AFG2B: variants seen among roughly 807,000 people sequenced by gnomAD.
AFG2B encodes the protein AAA ATPase AFG2B, also known as ATPase family gene 2 protein homolog B.
At chr15:45,415,325 C>T in the AFG2B span, among the ~76,000 whole-genome samples, 23 of 151,976 alleles carry the variant, frequency 1.5e-4, no homozygotes, top group African/African-American at 5.1e-4. Context: ...GGCAAAACCC[C>T]GTCTCTACTA....
chr15:45,403,313 G>T, the AFG2B span: 7 of 1,595,170 alleles, frequency 4.4e-6, no homozygotes, highest in Non-Finnish European at 5.1e-6. Context: ...CTGGCCAGCC[G>T]CGGACCCAGC....
the AFG2B span, chr15:45,414,921 G>A: frequency 1.4e-6 from 1 of 706,644 alleles, no homozygotes. Flanking sequence ...GAAAATATAG[G>A]AAAGTGTAAA....
At chr15:45,405,310 T>C in the AFG2B span, 1 of 1,605,962 alleles carries the variant, frequency 6.2e-7, no homozygotes, top group Admixed American at 1.7e-5. Flanking sequence ...TTGTTTTGCT[T>C]TGCATATAGG....
At chr15:45,405,597 T>C in the AFG2B span, 3 of 1,227,602 alleles carry the variant, frequency 2.4e-6, no homozygotes, top group Non-Finnish European at 3.4e-6. Context: ...TACATTTTCC[T>C]TAGAACATTT....
the AFG2B span, chr15:45,406,975 G>A: frequency 1.6e-6 from 2 of 1,247,284 alleles, no homozygotes; most frequent in South Asian, 1.2e-5. Flanking sequence ...GAGACAATAA[G>A]TAAGCAGGAG....
chr15:45,416,456 T>C, the AFG2B span, among the ~76,000 whole-genome samples: 12 of 152,266 alleles, frequency 7.9e-5, no homozygotes, highest in African/African-American at 2.7e-4. Context: ...CCTGATACTT[T>C]TTCTTTTATT....
the AFG2B span, among the ~76,000 whole-genome samples, chr15:45,405,034 T>C: frequency 6.6e-6 from 1 of 152,144 alleles, no homozygotes. Context: ...TATCTGAGTG[T>C]TGGGAATATT....
At chr15:45,410,356 G>A in the AFG2B span, 7 of 1,600,364 alleles carry the variant, frequency 4.4e-6, no homozygotes, top group Non-Finnish European at 5.1e-6. Flanking sequence ...TTGCTTTTTT[G>A]GGTGTATTTC....
chr15:45,418,412 G>T, the AFG2B span: 1 of 551,890 alleles, frequency 1.8e-6, no homozygotes. Flanking sequence ...TGTCATATAA[G>T]CCATTGATGA....
chr15:45,413,741 A>G, the AFG2B span, among the ~76,000 whole-genome samples: 1 of 151,890 alleles, frequency 6.6e-6, no homozygotes, highest in Non-Finnish European at 1.5e-5. Flanking sequence ...TCTGACTCCT[A>G]CCTCCACTTC....
At chr15:45,415,760 A>G in the AFG2B span, 37 of 1,613,756 alleles carry the variant, frequency 2.3e-5, no homozygotes, top group Non-Finnish European at 3.1e-5. Context: ...AGAGAAGAGG[A>G]AGTAAATCAA....
At chr15:45,410,725 C>CCCACCT in the AFG2B span, among the ~76,000 whole-genome samples, 1 of 152,118 alleles carries the variant, frequency 6.6e-6, no homozygotes, top group Non-Finnish European at 1.5e-5. Context: ...TTTATAATTT[C>CCCACCT]CCACCTCGAC....
the AFG2B span, chr15:45,403,364 G>C: frequency 4.1e-5 from 66 of 1,609,958 alleles, no homozygotes; most frequent in South Asian, 6.9e-4. Context: ...TGTCCCCAGC[G>C]GGGCAGTCGA....
At chr15:45,406,271 A>G in the AFG2B span, among the ~76,000 whole-genome samples, 1 of 152,230 alleles carries the variant, frequency 6.6e-6, no homozygotes, top group Non-Finnish European at 1.5e-5. Context: ...GGGCAGGAAT[A>G]TAATAGAAAT....
chr15:45,405,716 A>T, the AFG2B span, among the ~76,000 whole-genome samples: 3 of 152,170 alleles, frequency 2.0e-5, no homozygotes, highest in African/African-American at 7.2e-5. Context: ...TACTGAGTGA[A>T]TTTGTTCCCT....
At chr15:45,410,088 T>C in the AFG2B span, among the ~76,000 whole-genome samples, 18 of 152,164 alleles carry the variant, frequency 1.2e-4, no homozygotes, top group African/African-American at 3.9e-4. Flanking sequence ...CAGGCTGATA[T>C]AGTATGGTTC....
chr15:45,407,176 G>A, the AFG2B span: 20 of 1,271,262 alleles, frequency 1.6e-5, 1 homozygote, highest in South Asian at 2.5e-4. Flanking sequence ...CCCAGGGGAA[G>A]TGGAAGGAAG....
At chr15:45,402,919 C>T in the AFG2B span, 1 of 1,598,132 alleles carries the variant, frequency 6.3e-7, no homozygotes, top group East Asian at 2.2e-5. Context: ...GGCTGCCTTG[C>T]ACATCGTCGG....
At chr15:45,414,362 T>G in the AFG2B span, among the ~76,000 whole-genome samples, 1 of 152,198 alleles carries the variant, frequency 6.6e-6, no homozygotes, top group Admixed American at 6.5e-5. Context: ...TGGATTTTAT[T>G]CTAGTTCTAA....
Sources: gnomAD v4.1 joint callset for allele counts (sites outside exome capture counted in the v4.1 genomes callset) on GRCh38, gnomAD v4.1.1 for gene constraint, MANE v1.5 for transcripts, NCBI Gene and HGNC (gene_info 2026-07-23, HGNC 2026-07-21) for gene names.